REEP3: variants seen among roughly 807,000 people sequenced by gnomAD.
The protein encoded by REEP3 is receptor expression-enhancing protein 3.
REEP3 carries 20 observed loss-of-function variants against 41.3 expected under a neutral mutation model. The ratio of observed to expected loss-of-function variants is 0.48; its 90% CI spans 0.34 to 0.70. The LOEUF (loss-of-function observed/expected upper bound fraction) is 0.70, where lower values mean the gene tolerates loss of function less well. Ranked by LOEUF, REEP3 falls within the 30% of genes least tolerant of loss-of-function variation. The probability of loss-of-function intolerance (pLI) is 0.01; values close to 1 mark genes in which losing one functional copy is unlikely to be tolerated. For missense variants in REEP3, 271 were observed against 308.8 expected (o/e 0.88, Z 0.92); for synonymous variants, 104 against 101.8 (o/e 1.02, Z -0.13).
At chr10:63,562,554 G>A (rs1329143350) in intron 1 of REEP3, 1 of 456,452 alleles carries the variant, frequency 2.2e-6, no homozygotes, top group Non-Finnish European at 4.4e-6. Flanking sequence ...ACTGCTCCTA[G>A]CCTTAAGGCA....
chr10:63,554,736 T>C (rs1955661747), intron 1 of REEP3, among the ~76,000 whole-genome samples: 1 of 152,208 alleles, frequency 6.6e-6, no homozygotes, highest in Admixed American at 6.5e-5. Flanking sequence ...TGTGGAGTGC[T>C]GTAGATTGTA....
rs199781584 is a variant in REEP3, at chr10:63,574,888, C to T, written c.105+8478C>T. 2.6e-3 allele frequency among the ~76,000 whole-genome samples: 295 copies of T among 114,264 alleles called. 11 individuals are homozygous for T. The South Asian group carries it at 0.07, about 27-fold the overall frequency. 75.0% of individuals were successfully genotyped at this position (114,264 alleles called of 152,430 possible). A position where few individuals can be genotyped will look rare whatever the true frequency, so the allele number is the denominator to read the frequency against. On this transcript the variant is annotated intron_variant, in intron 2 of 7. Transcript: ENST00000373758. ...TTTTTTTTTTTTTGAGACAGAGTCT[C>T]GCTCTGTCGCCCAGGCTGGAGTGCA...
chr10:63,584,352 G>C (rs531319154), intron 2 of REEP3, among the ~76,000 whole-genome samples: 1 of 149,278 alleles, frequency 6.7e-6, no homozygotes, highest in Non-Finnish European at 1.5e-5. Flanking sequence ...GGCATGGGGG[G>C]AGAAGTACCC....
intron 1 of REEP3, among the ~76,000 whole-genome samples, chr10:63,529,759 C>T (rs1366980903): frequency 6.6e-6 from 1 of 151,094 alleles, no homozygotes; most frequent in East Asian, 1.9e-4. Flanking sequence ...TGAGCCACTG[C>T]CCCGGCCATG....
intron 2 of REEP3, among the ~76,000 whole-genome samples, chr10:63,582,209 G>T (rs539724757): frequency 6.6e-6 from 1 of 152,218 alleles, no homozygotes; most frequent in Non-Finnish European, 1.5e-5. Context: ...AGGCTTCCAG[G>T]TGATGCCAGT....
chr10:63,558,107 A>G (rs2133368024), intron 1 of REEP3, among the ~76,000 whole-genome samples: 1 of 152,358 alleles, frequency 6.6e-6, no homozygotes, highest in African/African-American at 2.4e-5. Flanking sequence ...CTTCAAAAAA[A>G]TCAAGAATGT....
rs140583346 is a variant in REEP3, at chr10:63,601,971, A to G, written c.417+2688A>G. ...TAAATAAATAATAAAAAATAAAAGC[A>G]GGGACTCTGAGGGCATGCTTCAACC... On this transcript the variant is annotated intron_variant, in intron 5 of 7. Coordinates refer to ENST00000373758, the MANE Select transcript of REEP3 (RefSeq NM_001001330.3). Among the ~76,000 whole-genome samples the G allele has an allele frequency of 7.6e-4, 116 of 152,134 alleles. No individual in the cohort carries two copies. In the Middle Eastern group the frequency reaches 0.024, roughly 31 times the overall value.
At chr10:63,569,190 T>G (rs1041040213) in intron 2 of REEP3, among the ~76,000 whole-genome samples, 1 of 152,178 alleles carries the variant, frequency 6.6e-6, no homozygotes, top group Non-Finnish European at 1.5e-5. Context: ...CCAAACACCA[T>G]GAAAATATGA....
Position 63,553,359 on chromosome 10 carries a change from A to G in REEP3, c.33-12979A>G, listed in dbSNP as rs140483807. ...TCATCACAAATTTAATTTTCATTAAAAAGCGATAGCAAGTTCACTGATGTA... is the reference window on the plus strand; with the variant it reads ...TCATCACAAATTTAATTTTCATTAAGAAGCGATAGCAAGTTCACTGATGTA... On this transcript the variant is annotated intron_variant, in intron 1 of 7. Coordinates refer to ENST00000373758, the MANE Select transcript of REEP3 (RefSeq NM_001001330.3). Among the ~76,000 whole-genome samples, 8 of 152,336 alleles carry G rather than the reference A, an allele frequency of 5.3e-5. No individual in the cohort carries two copies. In the East Asian group the frequency reaches 1.5e-3, roughly 29 times the overall value.
At chr10:63,594,927 T>G in intron 3 of REEP3, 73 bp downstream of exon 3, 1 of 906,046 alleles carries the variant, frequency 1.1e-6, no homozygotes, top group Non-Finnish European at 1.8e-6. Flanking sequence ...ATCCTGCTCT[T>G]GCTATTAACT....
At chr10:63,598,580 C>T (rs982079852) in intron 4 of REEP3, among the ~76,000 whole-genome samples, 9 of 150,364 alleles carry the variant, frequency 6.0e-5, no homozygotes, top group African/African-American at 2.0e-4. Context: ...GTCCGGAGAT[C>T]GAGACCATCC....
At chr10:63,593,907 C>T (rs1046070006) in intron 2 of REEP3, among the ~76,000 whole-genome samples, 11 of 152,102 alleles carry the variant, frequency 7.2e-5, no homozygotes, top group African/African-American at 2.7e-4. Context: ...AGAAGATTAA[C>T]CTTATGCTGT....
chr10:63,580,153 TG>T lies in REEP3; in HGVS notation c.105+13750del, dbSNP rs529182421. Reference sequence around the variant, plus strand: ...TGTTGTTGTTGTTGTTGTTTTGAGGTGGGGGGGTGGTATTGCTCTGTCGCCC... The same window carrying T: ...TGTTGTTGTTGTTGTTGTTTTGAGGTGGGGGGTGGTATTGCTCTGTCGCCC... On this transcript the variant is annotated intron_variant, in intron 2 of 7. Transcript: ENST00000373758. Among the ~76,000 whole-genome samples the T allele has an allele frequency of 3.3e-3, 505 of 152,116 alleles. 13 individuals are homozygous for T. The highest frequency in any genetic ancestry group is 0.03 in the Admixed American group (461 of 15,276).
At chr10:63,581,523 T>C (rs1174045412) in intron 2 of REEP3, among the ~76,000 whole-genome samples, 2 of 152,094 alleles carry the variant, frequency 1.3e-5, no homozygotes, top group East Asian at 3.9e-4. Flanking sequence ...GGAGGATTGC[T>C]TGAGCCCAGG....
At chr10:63,549,252 A>G (rs1245410634) in intron 1 of REEP3, among the ~76,000 whole-genome samples, 2 of 152,208 alleles carry the variant, frequency 1.3e-5, no homozygotes, top group African/African-American at 4.8e-5. Context: ...TAGAAGGCAG[A>G]GGTGTGGAGT....
intron 1 of REEP3, among the ~76,000 whole-genome samples, chr10:63,556,569 T>TTTTTG (rs71025191): frequency 9.2e-5 from 12 of 130,392 alleles, no homozygotes; most frequent in Admixed American, 8.8e-4. Context: ...ATTGGTGGGG[T>TTTTTG]TTTTGTTTTG....
At chr10:63,561,743 G>C (rs1419013774) in intron 1 of REEP3, among the ~76,000 whole-genome samples, 1 of 152,166 alleles carries the variant, frequency 6.6e-6, no homozygotes, top group Non-Finnish European at 1.5e-5. Flanking sequence ...AATAAAACAA[G>C]AGAATGGATG....
intron 6 of REEP3, among the ~76,000 whole-genome samples, chr10:63,610,806 C>T (rs1244120893): frequency 6.6e-6 from 1 of 152,156 alleles, no homozygotes. Context: ...CACAGTGGCT[C>T]ACACCGTTAA....
intron 1 of REEP3, among the ~76,000 whole-genome samples, chr10:63,531,526 A>G (rs1340779847): frequency 2.6e-5 from 4 of 152,208 alleles, no homozygotes; most frequent in Non-Finnish European, 5.9e-5. Flanking sequence ...GAGGCTAAAA[A>G]CTGTGCTATC....
Sources: allele counts gnomAD v4.1 joint callset (sites outside exome capture counted in the v4.1 genomes callset), GRCh38; gene constraint gnomAD v4.1.1; transcripts MANE v1.5; gene names NCBI Gene and HGNC (gene_info 2026-07-23, HGNC 2026-07-21).